SLC8A1: variants seen among roughly 807,000 people sequenced by gnomAD.
The protein encoded by SLC8A1 is sodium/calcium exchanger 1.
SLC8A1 carries 18 observed loss-of-function variants against 68.3 expected under a neutral mutation model. The observed-to-expected ratio is 0.26, with a 90% CI of 0.18 to 0.39. SLC8A1 has a LOEUF of 0.39. Among genes scored for constraint, SLC8A1 ranks in the 10% least tolerant of loss-of-function variants. The pLI is 1.00. For missense variants in SLC8A1, 985 were observed against 1,156.7 expected, an observed-to-expected ratio of 0.85 and a Z score of 2.15; for synonymous variants, 475 against 415.5, an observed-to-expected ratio of 1.14 and a Z score of -1.74.
chr2:40,234,528 A>G (rs145777150), intron 2 of SLC8A1, among the ~76,000 whole-genome samples: 1 of 152,132 alleles, frequency 6.6e-6, no homozygotes, highest in African/African-American at 2.4e-5. Flanking sequence ...CTAGATATAC[A>G]ATCATGTCTT....
intron 2 of SLC8A1, among the ~76,000 whole-genome samples, chr2:40,323,806 AG>A (rs1171380835): frequency 1.3e-5 from 2 of 152,148 alleles, no homozygotes; most frequent in Non-Finnish European, 2.9e-5. Flanking sequence ...AGGGATATGA[AG>A]TGATGCCAGA....
intron 2 of SLC8A1, 36 bp downstream of exon 2, chr2:40,428,423 CCACACACACACACA>C: frequency 5.0e-6 from 7 of 1,393,316 alleles, no homozygotes; most frequent in South Asian, 3.1e-5. Context: ...ACACACTGAA[CCACACACACACACA>C]CACACACACA....
intron 2 of SLC8A1, among the ~76,000 whole-genome samples, chr2:40,199,497 T>A (rs932973887): frequency 4.6e-5 from 7 of 151,562 alleles, no homozygotes; most frequent in Non-Finnish European, 1.0e-4. Flanking sequence ...TAGGATTTAT[T>A]TTCTAGAGGA....
At chr2:40,358,267 A>T (rs1247886680) in intron 2 of SLC8A1, among the ~76,000 whole-genome samples, 1 of 141,680 alleles carries the variant, frequency 7.1e-6, no homozygotes, top group Non-Finnish European at 1.5e-5. Flanking sequence ...AAATCTGGGC[A>T]GATTAAGACA....
intron 2 of SLC8A1, among the ~76,000 whole-genome samples, chr2:40,230,873 C>T (rs922917739): frequency 7.2e-5 from 11 of 152,140 alleles, no homozygotes; most frequent in African/African-American, 2.7e-4. Flanking sequence ...GGGAGTTCTC[C>T]ACATGCAGAT....
At chr2:40,374,318 C>T in intron 2 of SLC8A1, among the ~76,000 whole-genome samples, 1 of 151,618 alleles carries the variant, frequency 6.6e-6, no homozygotes, top group Non-Finnish European at 1.5e-5. Context: ...TCCAGACCAG[C>T]CCGGGAAATA....
At chr2:40,248,043 A>T (rs982683955) in intron 2 of SLC8A1, among the ~76,000 whole-genome samples, 7 of 152,188 alleles carry the variant, frequency 4.6e-5, no homozygotes, top group African/African-American at 1.7e-4. Context: ...AGATTGCTTG[A>T]TTTATTTAAG....
chr2:40,227,172 T>A (rs2059087251), intron 2 of SLC8A1, among the ~76,000 whole-genome samples: 1 of 152,164 alleles, frequency 6.6e-6, no homozygotes, highest in South Asian at 2.1e-4. Flanking sequence ...AATTCAACAT[T>A]TAAGTTTGTA....
chr2:40,178,338 C>G, intron 2 of SLC8A1, 49 bp downstream of exon 3: 1 of 1,427,762 alleles, frequency 7.0e-7, no homozygotes, highest in South Asian at 1.1e-5. Context: ...CCAGGGGTGG[C>G]ACAGGCCAGC....
chr2:40,351,481 G>A (rs894475615), intron 2 of SLC8A1, among the ~76,000 whole-genome samples: 1 of 151,730 alleles, frequency 6.6e-6, no homozygotes, highest in Admixed American at 6.6e-5. Context: ...AGACTTCCTT[G>A]TCTGCCCCTC....
At chr2:40,235,840 C>A (rs773453173) in intron 2 of SLC8A1, among the ~76,000 whole-genome samples, 1,926 of 150,274 alleles carry the variant, frequency 0.013, 15 homozygotes, top group Non-Finnish European at 0.021. Flanking sequence ...TTTATTTCTG[C>A]CTTCATTTCG....
chr2:40,338,047 G>A (rs759065676), intron 2 of SLC8A1, among the ~76,000 whole-genome samples: 3 of 151,988 alleles, frequency 2.0e-5, no homozygotes, highest in Non-Finnish European at 4.4e-5. Flanking sequence ...AATAATGAGG[G>A]TCTGAAAGTG....
chr2:40,350,574 G>A (rs12989200), intron 2 of SLC8A1, among the ~76,000 whole-genome samples: 58,978 of 115,326 alleles, frequency 0.51, 15,222 homozygotes, highest in East Asian at 0.7. Context: ...TACTTCTCAC[G>A]CACCCAGACA....
intron 2 of SLC8A1, among the ~76,000 whole-genome samples, chr2:40,214,345 G>T (rs377629778): frequency 2.6e-5 from 4 of 152,030 alleles, no homozygotes; most frequent in Admixed American, 6.5e-5. Flanking sequence ...CCTCAACCCC[G>T]CAACTCTCCC....
At chr2:40,102,863 T>A (rs968995283) in exon 8 of SLC8A1, 1 of 152,292 alleles carries the variant, frequency 6.6e-6, no homozygotes. Flanking sequence ...AATACAGTCC[T>A]TACTGCATTA....
chr2:40,408,761 T>G (rs529335272), intron 2 of SLC8A1, among the ~76,000 whole-genome samples: 2 of 152,224 alleles, frequency 1.3e-5, no homozygotes, highest in Admixed American at 1.3e-4. Context: ...AACTCACGAG[T>G]ATGGTCAAGA....
chr2:40,098,262 A>G (rs763013770), exon 8 of SLC8A1: 17 of 152,096 alleles, frequency 1.1e-4, no homozygotes, highest in Non-Finnish European at 1.8e-4. Flanking sequence ...AATTTACAAC[A>G]GATTACTTTT....
intron 2 of SLC8A1, among the ~76,000 whole-genome samples, chr2:40,200,208 ATATATATATATTTTTT>A (rs1558721696): frequency 0.028 from 187 of 6,622 alleles, 22 homozygotes; most frequent in African/African-American, 0.11. Flanking sequence ...ATATATATAA[ATATATATATATTTTTT>A]TATATATATA....
At chr2:40,140,879 G>T (rs1158558508) in intron 6 of SLC8A1, among the ~76,000 whole-genome samples, 2 of 152,120 alleles carry the variant, frequency 1.3e-5, no homozygotes, top group Non-Finnish European at 2.9e-5. Context: ...TATTATCAGT[G>T]TACAAAGAAA....
Sources: gnomAD v4.1 joint callset for allele counts (sites outside exome capture counted in the v4.1 genomes callset) on GRCh38, gnomAD v4.1.1 for gene constraint, MANE v1.5 for transcripts, NCBI Gene and HGNC (gene_info 2026-07-23, HGNC 2026-07-21) for gene names.